ZNF287: variants seen among roughly 807,000 people sequenced by gnomAD.
The protein encoded by ZNF287 is zinc finger protein 287.
A neutral mutation model predicts 73.7 loss-of-function variants in ZNF287; 31 were observed. The ratio of observed to expected loss-of-function variants is 0.42; its 90% CI spans 0.32 to 0.57. ZNF287 has a LOEUF of 0.57. Among genes scored for constraint, ZNF287 ranks in the 20% least tolerant of loss-of-function variants. The pLI is 0.13. For missense variants in ZNF287, 641 were observed against 909.3 expected, an observed-to-expected ratio of 0.70 and a Z score of 3.79; for synonymous variants, 301 against 307.2, an observed-to-expected ratio of 0.98 and a Z score of 0.21.
rs1291618835 is a variant in ZNF287 at position 16,551,752 on chromosome 17, C to G, written c.*104G>C. On this transcript the variant is annotated 3_prime_UTR_variant, in exon 6 of 6. Transcript: ENST00000395825. ...TCTGATACTTCTGCTGAGTATCTAA[C>G]ATATTGCACTTCTTCAGACTTCTTC... The G allele has an allele frequency of 2.8e-5, 35 of 1,228,686 alleles. 2 individuals are homozygous for G. The South Asian group carries it at 5.0e-4, about 17-fold the overall frequency. The allele number at this position is 1,228,686 out of a possible 1,614,324, so 76.1% of individuals were successfully genotyped here.
At chr17:16,555,881 T>G (rs1907023851) in intron 5 of ZNF287, among the ~76,000 whole-genome samples, 1 of 152,160 alleles carries the variant, frequency 6.6e-6, no homozygotes, top group African/African-American at 2.4e-5. Flanking sequence ...TGGTACTAAA[T>G]ACTTCAGAAA....
At chr17:16,563,397 A>T in intron 4 of ZNF287, 165 bp from the exon 5 acceptor site, 1 of 604,736 alleles carries the variant, frequency 1.7e-6, no homozygotes, top group Non-Finnish European at 2.8e-6. Flanking sequence ...ATCCTTTCAG[A>T]GACAGGATAA....
In ZNF287 at chr17:16,550,600, C is replaced by T. The variant is rs143759634; in HGVS notation, c.*1256G>A. On this transcript the variant is annotated 3_prime_UTR_variant, in exon 6 of 6. Transcript: ENST00000395825. ...ATTTTAGCAGGTTGCTTATGCTCAACCCATGACAAAATATCACATCCTCAC... is the reference window on the plus strand; with the variant it reads ...ATTTTAGCAGGTTGCTTATGCTCAATCCATGACAAAATATCACATCCTCAC... Among the ~76,000 whole-genome samples the T allele has an allele frequency of 1.1e-4, 16 of 152,296 alleles. No homozygotes were observed. The highest frequency in any genetic ancestry group is 3.6e-4 in the African/African-American group (15 of 41,560).
chr17:16,552,338 T>C lies in ZNF287; in HGVS notation c.1804A>G (p.Ser602Gly), dbSNP rs1308930701. ...YICNICGKAF[S>G]QSANLTQHHR... is the part of the protein sequence containing the mutation. ...TGTTGAGTAAGATTTGCACTCTGGC[T>C]GAAGGCTTTCCCACATATATTACAT... Residue 602 changes from serine (S) to glycine (G), a missense_variant, in exon 6 of 6, where the codon AGC (serine) becomes GGC (glycine). Around this residue, in one of 2 missense-constraint regions of ZNF287, gnomAD observed 284 missense variants for 466.8 expected, o/e 0.61. Coordinates refer to ENST00000395825, the MANE Select transcript of ZNF287 (RefSeq NM_020653.4). This position sits in a 1 kb window ranked among gnomAD's most constrained non-coding sequence, Gnocchi z 6.5. 6.2e-7 allele frequency: 1 copy of C among 1,614,112 alleles called. No homozygotes were observed. Among genetic ancestry groups the C allele is most frequent in the Admixed American group, 1.7e-5 (1 of 60,018 alleles).
Position 16,548,692 on chromosome 17 carries a change from C to T in ZNF287, c.*3164G>A, listed in dbSNP as rs1300914612. 2.6e-5 allele frequency among the ~76,000 whole-genome samples: 4 copies of T among 151,938 alleles called. No individual in the cohort carries two copies. The highest frequency in any genetic ancestry group is 6.6e-5 in the Admixed American group (1 of 15,258). ...GCGGGTGTCTGTAGTCCCAGCTACT[C>T]GGGAGGCTGAGGCAGGAGAATGGCG... On this transcript the variant is annotated 3_prime_UTR_variant, in exon 6 of 6. Transcript: ENST00000395825.
At chr17:16,560,988 C>T (rs1377264165) in intron 5 of ZNF287, among the ~76,000 whole-genome samples, 1 of 145,904 alleles carries the variant, frequency 6.9e-6, no homozygotes, top group Admixed American at 6.9e-5. Context: ...GAGCAACAGA[C>T]CGAGACTCCG....
chr17:16,555,623 C>A (rs573264149), intron 5 of ZNF287, among the ~76,000 whole-genome samples: 2 of 151,856 alleles, frequency 1.3e-5, no homozygotes, highest in South Asian at 4.2e-4. Flanking sequence ...CACACACACA[C>A]ACACACACAC....
intron 5 of ZNF287, 84 bp from the exon 6 acceptor site, chr17:16,553,510 T>C: frequency 8.9e-7 from 1 of 1,123,148 alleles, no homozygotes; most frequent in Non-Finnish European, 1.2e-6. Context: ...TAAACATAGA[T>C]AAAATGCCCA....
In ZNF287 at chr17:16,549,368, A is replaced by T. The variant is rs1906491696; in HGVS notation, c.*2488T>A. Among the ~76,000 whole-genome samples the T allele has an allele frequency of 6.8e-6, 1 of 146,940 alleles. No individual in the cohort carries two copies. The highest frequency in any genetic ancestry group is 6.6e-5 in the Admixed American group (1 of 15,204). ...TTACATAAAACATACAAAGGCAGGA[A>T]ATAACAGAGTAATGCAAAGGAAGGC... On this transcript the variant is annotated 3_prime_UTR_variant, in exon 6 of 6. Coordinates refer to ENST00000395825, the MANE Select transcript of ZNF287 (RefSeq NM_020653.4).
intron 5 of ZNF287, among the ~76,000 whole-genome samples, chr17:16,560,701 G>T (rs1355513206): frequency 6.6e-6 from 1 of 151,504 alleles, no homozygotes; most frequent in East Asian, 2.0e-4. Flanking sequence ...AAAGATGACT[G>T]CATTAGAAAA....
rs548160792 is a variant in ZNF287 at position 16,562,625 on chromosome 17, A to T, written c.715+521T>A. Among the ~76,000 whole-genome samples, 8 of 152,062 alleles carry T rather than the reference A, an allele frequency of 5.3e-5. No homozygotes were observed. In the East Asian group the frequency reaches 1.5e-3, roughly 29 times the overall value. ...ATGTGGTATTCAGGTGGACATTTAT[A>T]TATATTTATATATTTTTTTTGCTTT... is the stretch of plus-strand genomic sequence containing the variant. On this transcript the variant is annotated intron_variant, in intron 5 of 5. Transcript: ENST00000395825.
At chr17:16,566,740 C>T (rs537986719) in intron 2 of ZNF287, 118 bp from the exon 3 acceptor site, 4 of 625,070 alleles carry the variant, frequency 6.4e-6, no homozygotes, top group Admixed American at 7.1e-5. Flanking sequence ...AAATCAAAAA[C>T]AGCACTCCTA....
chr17:16,562,294 A>G (rs556473978), intron 5 of ZNF287, among the ~76,000 whole-genome samples: 144 of 152,348 alleles, frequency 9.5e-4, no homozygotes, highest in Non-Finnish European at 1.7e-3. Flanking sequence ...AGGCTTTTCA[A>G]GATATACTTT....
rs1906671249 is a variant in ZNF287, at chr17:16,551,716, A to G, written c.*140T>C. 2 of 852,636 alleles carry G rather than the reference A, an allele frequency of 2.3e-6. No individual in the cohort carries two copies. Among genetic ancestry groups the G allele is most frequent in the Non-Finnish European group, 3.6e-6 (2 of 549,984 alleles). 52.8% of individuals were successfully genotyped at this position (852,636 alleles called of 1,614,324 possible). On this transcript the variant is annotated 3_prime_UTR_variant, in exon 6 of 6. Coordinates refer to ENST00000395825, the MANE Select transcript of ZNF287 (RefSeq NM_020653.4). The stretch of plus-strand genomic sequence containing the variant: ...CATTAAATCTAAATAGGTTATATCC[A>G]TACCACTACTTCTGATACTTCTGCT...
At position 16,547,064 on chromosome 17, in the gene ZNF287, C is replaced by T. The variant is rs148354589; in HGVS notation, c.*4792G>A. Among the ~76,000 whole-genome samples, 372 of 152,232 alleles carry T rather than the reference C, an allele frequency of 2.4e-3. 2 individuals carry two copies. The highest frequency in any genetic ancestry group is 8.4e-3 in the African/African-American group (349 of 41,540). On this transcript the variant is annotated 3_prime_UTR_variant, in exon 6 of 6. Transcript: ENST00000395825. ...AAACAGAGGAGTAAGAATACATTTT[C>T]GGGCACATGCAAGTGAACTGACACC...
chr17:16,552,960 T>C lies in ZNF287; in HGVS notation c.1182A>G (p.Lys394=), dbSNP rs758701451. ...TCCCACATTCTTCACATTCATACGA[T>C]TTCTCTTTGGCATGGGTACTTTGGT... The part of the protein sequence containing the change: ...LKHQSTHAKE[K]SYECEECGKE... Residue 394 remains lysine (K), a synonymous_variant, in exon 6 of 6, where the codon AAA becomes AAG. Transcript: ENST00000395825. The surrounding 1 kb of genome is among the most constrained non-coding windows in gnomAD (Gnocchi z 6.5). 25 of 1,614,058 alleles carry C rather than the reference T, an allele frequency of 1.5e-5. No individual in the cohort carries two copies. The East Asian group carries it at 2.9e-4, about 19-fold the overall frequency.
At position 16,551,957 on chromosome 17, in the gene ZNF287, C is replaced by A. The variant is rs762524977; in HGVS notation, c.2185G>T (p.Glu729Ter). 13 of 1,614,110 alleles carry A rather than the reference C, an allele frequency of 8.1e-6. No individual in the cohort carries two copies. The highest frequency in any genetic ancestry group is 1.1e-5 in the Non-Finnish European group (13 of 1,179,976). ...CATATACGACATGCATAGGGTTTCT[C>A]TCCTGTGTGAATTCTCTGGTGTTGA... ...LIQHQRIHTG[E>*]KPYACRICGK... Residue 729 changes from glutamate (E) to a stop codon, truncating the protein, a stop_gained, in exon 6 of 6, where the codon GAG (glutamate) becomes TAG (stop). Coordinates refer to ENST00000395825, the MANE Select transcript of ZNF287 (RefSeq NM_020653.4). LOFTEE classifies it high-confidence loss of function.
chr17:16,566,837 A>G (rs1331015080), intron 2 of ZNF287, among the ~76,000 whole-genome samples: 1 of 152,250 alleles, frequency 6.6e-6, no homozygotes, highest in African/African-American at 2.4e-5. Context: ...AAAATCTTAA[A>G]GAGTATGAAC....
Position 16,553,060 on chromosome 17 carries a change from A to G in ZNF287, c.1082T>C (p.Ile361Thr). The G allele has an allele frequency of 6.2e-7, 1 of 1,614,134 alleles. No individual in the cohort carries two copies. The highest frequency in any genetic ancestry group is 8.5e-7 in the Non-Finnish European group (1 of 1,180,008). Residue 361 changes from isoleucine (I) to threonine (T), a missense_variant, in exon 6 of 6, where the codon ATA (isoleucine) becomes ACA (threonine). Transcript: ENST00000395825. ...CTTGTAAGGCTTCTCTCCAGGAAGT[A>G]TTTTCCTATGTACAATACCATATGA... Reference protein sequence around the residue: ...HVSYGIVHRKILPGEKPYKCN... With the variant: ...HVSYGIVHRKTLPGEKPYKCN...
Sources: gnomAD v4.1 joint callset for allele counts (sites outside exome capture counted in the v4.1 genomes callset) on GRCh38, gnomAD v4.1.1 for gene constraint, gnomAD v4.1.1 regional missense constraint, Gnocchi (gnomAD v3.1) non-coding constraint, MANE v1.5 for transcripts, NCBI Gene and HGNC (gene_info 2026-07-23, HGNC 2026-07-21) for gene names.